PSD3: variants seen among roughly 807,000 people sequenced by gnomAD.
The protein encoded by PSD3 is pleckstrin and Sec7 domain containing 3.
A neutral mutation model predicts 105.5 loss-of-function variants in PSD3; 49 were observed. The observed-to-expected ratio is 0.46, with a 90% CI of 0.37 to 0.59. The LOEUF (loss-of-function observed/expected upper bound fraction) is 0.59. Ranked by LOEUF, PSD3 falls within the 20% of genes least tolerant of loss-of-function variation. The probability of loss-of-function intolerance (pLI) is 0.00; values close to 1 mark genes in which losing one functional copy is unlikely to be tolerated. For synonymous variants in PSD3, 557 were observed against 457.8 expected, an observed-to-expected ratio of 1.22 and a Z score of -2.77; for missense variants, 1,561 against 1,263.8, an observed-to-expected ratio of 1.24 and a Z score of -3.57.
At chr8:18,938,277 T>C (rs1822287949) in intron 1 of PSD3, among the ~76,000 whole-genome samples, 1 of 152,154 alleles carries the variant, frequency 6.6e-6, no homozygotes, top group African/African-American at 2.4e-5. Flanking sequence ...TGAATTAAAA[T>C]ATATTTTGTA....
chr8:18,628,232 C>G (rs75472413), intron 11 of PSD3, among the ~76,000 whole-genome samples: 1 of 151,416 alleles, frequency 6.6e-6, no homozygotes, highest in Admixed American at 6.6e-5. Flanking sequence ...TCCAAGAACC[C>G]CAATAAACAC....
intron 15 of PSD3, among the ~76,000 whole-genome samples, chr8:18,555,189 G>A (rs897138116): frequency 2.0e-5 from 3 of 152,084 alleles, no homozygotes; most frequent in African/African-American, 7.2e-5. Flanking sequence ...CGGAGTGAGA[G>A]GAGAAAGCCA....
intron 1 of PSD3, among the ~76,000 whole-genome samples, chr8:19,045,494 T>C (rs1828287195): frequency 6.6e-6 from 1 of 152,178 alleles, no homozygotes; most frequent in Non-Finnish European, 1.5e-5. Flanking sequence ...CAATAAGCAT[T>C]TCTAAGCAAC....
intron 9 of PSD3, among the ~76,000 whole-genome samples, chr8:18,726,005 C>T (rs554402716): frequency 1.3e-5 from 2 of 152,280 alleles, no homozygotes; most frequent in Admixed American, 1.3e-4. Flanking sequence ...CTTGAGGTAA[C>T]AACAGAAGAA....
chr8:18,755,957 C>T (rs563227559), intron 9 of PSD3, among the ~76,000 whole-genome samples: 1 of 152,234 alleles, frequency 6.6e-6, no homozygotes, highest in East Asian at 1.9e-4. Context: ...GAAGCGGAAA[C>T]ACGCCACGCA....
chr8:18,694,730 C>T (rs1003316458), intron 9 of PSD3, among the ~76,000 whole-genome samples: 3 of 151,776 alleles, frequency 2.0e-5, no homozygotes, highest in African/African-American at 4.8e-5. Context: ...AATCCTAGCA[C>T]TTTGGGAGGC....
At chr8:18,677,536 T>C (rs1432728322) in intron 9 of PSD3, among the ~76,000 whole-genome samples, 2 of 151,992 alleles carry the variant, frequency 1.3e-5, no homozygotes, top group African/African-American at 4.8e-5. Flanking sequence ...CAGAGCAATA[T>C]TGTGTAAGGA....
At position 18,668,364 on chromosome 8, in the gene PSD3, C is replaced by T. The variant is rs147153159; in HGVS notation, c.2173-12679G>A. Among the ~76,000 whole-genome samples, 49 of 152,340 alleles carry T rather than the reference C, an allele frequency of 3.2e-4. No homozygotes were observed. The East Asian group carries it at 8.5e-3, about 26-fold the overall frequency. ...ATATTTCATGTTTCGCCTGGTATTT[C>T]TGACGCTGCGATGATGTTCTAGCCA... On this transcript the variant is annotated intron_variant, in intron 9 of 15. Coordinates refer to ENST00000327040, the MANE Select transcript of PSD3 (RefSeq NM_015310.4).
intron 4 of PSD3, among the ~76,000 whole-genome samples, chr8:18,837,292 C>T (rs1814194381): frequency 6.6e-6 from 1 of 152,222 alleles, no homozygotes; most frequent in Non-Finnish European, 1.5e-5. Flanking sequence ...CAGCTCTCCA[C>T]TGAGACTTCA....
In PSD3 at chr8:18,572,515, T is replaced by A. The variant is rs1467211118; in HGVS notation, c.2784+13A>T. 6.2e-7 allele frequency: 1 copy of A among 1,613,100 alleles called. No individual in the cohort carries two copies. Among genetic ancestry groups the A allele is most frequent in the East Asian group, 2.2e-5 (1 of 44,868 alleles). ...ACTTTTTCCCAAGGTCAAAGCACTA[T>A]CAAGATGATTACCTGAGACAGTTTT... is the stretch of plus-strand genomic sequence containing the variant. On this transcript the variant is annotated intron_variant, in intron 14 of 15. Coordinates refer to ENST00000327040, the MANE Select transcript of PSD3 (RefSeq NM_015310.4).
At chr8:18,806,934 G>C (rs2131183) in intron 4 of PSD3, among the ~76,000 whole-genome samples, 66,047 of 152,014 alleles carry the variant, frequency 0.43, 15,986 homozygotes, top group Non-Finnish European at 0.56. Context: ...TTTCTTTTGG[G>C]GTGATGAAAG....
At chr8:18,688,493 G>A (rs573712486) in intron 9 of PSD3, among the ~76,000 whole-genome samples, 3 of 152,206 alleles carry the variant, frequency 2.0e-5, no homozygotes, top group South Asian at 2.1e-4. Flanking sequence ...CATAGTATTC[G>A]AGCATGTGAA....
At chr8:18,595,226 CA>C (rs1225838444) in intron 12 of PSD3, among the ~76,000 whole-genome samples, 7 of 69,354 alleles carry the variant, frequency 1.0e-4, no homozygotes, top group Non-Finnish European at 2.3e-4. Flanking sequence ...AACAAACAAA[CA>C]AAAAAAACCC....
intron 9 of PSD3, among the ~76,000 whole-genome samples, chr8:18,748,627 T>C (rs1585821265): frequency 7.6e-6 from 1 of 131,170 alleles, no homozygotes; most frequent in Admixed American, 9.4e-5. Context: ...GCCACTGCAC[T>C]CCAGCCTGGG....
At chr8:18,999,226 A>G (rs914846041) in intron 1 of PSD3, among the ~76,000 whole-genome samples, 6 of 151,980 alleles carry the variant, frequency 3.9e-5, no homozygotes, top group Admixed American at 3.9e-4. Context: ...TTATGTATAC[A>G]GCAGAAATTC....
intron 14 of PSD3, among the ~76,000 whole-genome samples, chr8:18,564,630 A>AAG (rs1378529099): frequency 4.6e-5 from 6 of 129,866 alleles, no homozygotes; most frequent in Admixed American, 4.4e-4. Flanking sequence ...CCTTGTCTCA[A>AAG]AAAAAAAAAA....
At chr8:18,574,910 G>A in intron 13 of PSD3, among the ~76,000 whole-genome samples, 1 of 152,032 alleles carries the variant, frequency 6.6e-6, no homozygotes. Context: ...CTGACTAAAA[G>A]TCAAAGGGCT....
chr8:18,691,294 G>A (rs1023906354), intron 9 of PSD3, among the ~76,000 whole-genome samples: 2 of 152,176 alleles, frequency 1.3e-5, no homozygotes, highest in Admixed American at 6.5e-5. Context: ...AGATGTTTTA[G>A]ACCAGAGTGA....
At chr8:18,702,490 T>C (rs1205350891) in intron 9 of PSD3, among the ~76,000 whole-genome samples, 1 of 152,230 alleles carries the variant, frequency 6.6e-6, no homozygotes, top group Admixed American at 6.5e-5. Flanking sequence ...TTTTGACACA[T>C]ATACACAACA....
Sources: gnomAD v4.1 joint callset for allele counts (sites outside exome capture counted in the v4.1 genomes callset) on GRCh38, gnomAD v4.1.1 for gene constraint, MANE v1.5 for transcripts, NCBI Gene and HGNC (gene_info 2026-07-23, HGNC 2026-07-21) for gene names.